Variants in IMPA2 observed in about 807,000 individuals in gnomAD.
The protein encoded by IMPA2 is IMP 2.
A neutral mutation model predicts 35.1 loss-of-function variants in IMPA2; 32 were observed. The observed-to-expected ratio is 0.91, with a 90% CI of 0.69 to 1.23. The LOEUF is 1.23. IMPA2 is among the 50% of genes most tolerant of loss of function. The pLI is 0.00. For synonymous variants in IMPA2, 135 were observed against 160.6 expected (o/e 0.84, Z 1.20); for missense variants, 334 against 387.6 (o/e 0.86, Z 1.16).
chr18:12,017,335 C>A (rs900578058), intron 5 of IMPA2, among the ~76,000 whole-genome samples: 4 of 152,206 alleles, frequency 2.6e-5, no homozygotes, highest in African/African-American at 9.6e-5. Flanking sequence ...ACTTCCTAGT[C>A]AGTACTTCAG....
intron 2 of IMPA2, among the ~76,000 whole-genome samples, chr18:12,004,212 G>T (rs1448589082): frequency 6.6e-6 from 1 of 152,048 alleles, no homozygotes; most frequent in South Asian, 2.1e-4. Flanking sequence ...CATCTCCTTT[G>T]TGGACAGCAG....
chr18:12,014,199 A>G (rs571906600), intron 4 of IMPA2, 66 bp from the exon 5 acceptor site: 1 of 1,112,800 alleles, frequency 9.0e-7, no homozygotes, highest in Non-Finnish European at 1.4e-6. Flanking sequence ...TTTGAATAAC[A>G]ATGTTTTTTC....
chr18:11,985,271 T>C lies in IMPA2; in HGVS notation c.96+3506T>C, dbSNP rs144530459. 2.6e-5 allele frequency among the ~76,000 whole-genome samples: 4 copies of C among 151,228 alleles called. No individual in the cohort carries two copies. The East Asian group carries it at 7.8e-4, about 29-fold the overall frequency. On this transcript the variant is annotated intron_variant, in intron 1 of 7. Coordinates refer to ENST00000269159, the MANE Select transcript of IMPA2 (RefSeq NM_014214.3). ...CTAAGGTGCTAAGAAATACTGCAAA[T>C]ATCACGAAATACACAAAAATAACAA...
intron 2 of IMPA2, 95 bp from the exon 3 acceptor site, chr18:12,009,788 G>C (rs936744429): frequency 4.6e-6 from 4 of 868,476 alleles, no homozygotes; most frequent in South Asian, 2.8e-5. Context: ...TCTGTTTGCT[G>C]TGCCACCTTT....
chr18:12,012,313 G>A, intron 4 of IMPA2, 98 bp downstream of exon 4: 2 of 1,000,732 alleles, frequency 2.0e-6, no homozygotes, highest in Non-Finnish European at 3.1e-6. Flanking sequence ...TTTGCTGTTT[G>A]CCCTGTGCCT....
rs1260310760 is a variant in IMPA2, at chr18:12,029,107, T to A, written c.751+114T>A. The A allele has an allele frequency of 9.1e-6, 6 of 661,604 alleles. No individual in the cohort carries two copies. In the East Asian group the frequency reaches 2.3e-4, roughly 25 times the overall value. The allele number at this position is 661,604 out of a possible 1,614,324, so 41.0% of individuals were successfully genotyped here. On this transcript the variant is annotated intron_variant, in intron 7 of 7. Transcript: ENST00000269159. The stretch of plus-strand genomic sequence containing the variant: ...AATTTCCCACCTTCCCCAGAGTTTC[T>A]GTTTTTTTTTTTTTTTTTTTTTTTT...
chr18:12,007,467 T>C (rs140255839), intron 2 of IMPA2, among the ~76,000 whole-genome samples: 38 of 152,326 alleles, frequency 2.5e-4, no homozygotes, highest in African/African-American at 6.3e-4. Context: ...TGCCAAATCT[T>C]AGACCACATG....
At chr18:12,026,367 A>G (rs1409527769) in intron 5 of IMPA2, among the ~76,000 whole-genome samples, 1 of 152,228 alleles carries the variant, frequency 6.6e-6, no homozygotes, top group African/African-American at 2.4e-5. Flanking sequence ...TTCGTAATTC[A>G]GAATTAGTTT....
At chr18:12,028,603 G>T (rs1907948449) in intron 6 of IMPA2, 2 of 539,578 alleles carry the variant, frequency 3.7e-6, no homozygotes, top group Non-Finnish European at 6.6e-6. Flanking sequence ...CTGCATCTCA[G>T]GTGCTCAGTA....
intron 2 of IMPA2, among the ~76,000 whole-genome samples, chr18:12,007,927 G>A (rs1320260753): frequency 2.6e-5 from 4 of 151,392 alleles, no homozygotes; most frequent in Non-Finnish European, 5.9e-5. Context: ...ATAGGCGTGC[G>A]CCACCACCCC....
chr18:12,026,371 T>C (rs965208469), intron 5 of IMPA2, among the ~76,000 whole-genome samples: 1 of 152,198 alleles, frequency 6.6e-6, no homozygotes, highest in Non-Finnish European at 1.5e-5. Flanking sequence ...TAATTCAGAA[T>C]TAGTTTACCC....
In IMPA2 at chr18:12,030,592, G is replaced by A. The variant is rs1908022803; in HGVS notation, c.*134G>A. ...TGGCTACCCCAGAGGGAGTTGTCAC[G>A]CTACAGTGAGTGGCTGGCCTTTTAA... is the stretch of plus-strand genomic sequence containing the variant. On this transcript the variant is annotated 3_prime_UTR_variant, in exon 8 of 8. Coordinates refer to ENST00000269159, the MANE Select transcript of IMPA2 (RefSeq NM_014214.3). 1.6e-6 allele frequency: 1 copy of A among 640,266 alleles called. No homozygotes were observed. Among genetic ancestry groups the A allele is most frequent in the South Asian group, 1.9e-5 (1 of 52,866 alleles). The allele number at this position is 640,266 out of a possible 1,614,324, so 39.7% of individuals were successfully genotyped here.
intron 2 of IMPA2, chr18:12,008,599 G>A (rs1385935807): frequency 2.2e-6 from 1 of 456,020 alleles, no homozygotes. Flanking sequence ...AAGGTGGGCT[G>A]CGAATACACC....
intron 2 of IMPA2, chr18:12,008,537 A>C (rs1256408456): frequency 2.2e-6 from 1 of 457,012 alleles, no homozygotes; most frequent in East Asian, 7.0e-5. Flanking sequence ...GATCCTGAGA[A>C]TGCCTTTGGA....
At chr18:12,030,068 G>A (rs1245413581) in intron 7 of IMPA2, among the ~76,000 whole-genome samples, 2 of 152,202 alleles carry the variant, frequency 1.3e-5, no homozygotes, top group East Asian at 1.9e-4. Flanking sequence ...GGACTTTTAT[G>A]TTCTCCATCT....
intron 1 of IMPA2, among the ~76,000 whole-genome samples, chr18:11,998,529 A>G (rs1052703713): frequency 2.0e-5 from 3 of 152,228 alleles, no homozygotes; most frequent in Non-Finnish European, 4.4e-5. Flanking sequence ...AACATTTACA[A>G]TCAGATTCGA....
rs749288133 is a variant in IMPA2 at position 12,030,348 on chromosome 18, C to A, written c.757C>A (p.Pro253Thr). ...CTCTCTCTGTCTGTCCCCAGGTGGACCCCTCGACCTCATGGCTTGCAGAGT... is the reference window on the plus strand; with the variant it reads ...CTCTCTCTGTCTGTCCCCAGGTGGAACCCTCGACCTCATGGCTTGCAGAGT... Reference protein sequence around the residue: ...GGIVIDTSGGPLDLMACRVVA... With the variant: ...GGIVIDTSGGTLDLMACRVVA... Residue 253 changes from proline to threonine, a missense_variant, in exon 8 of 8, where the codon CCC (proline) becomes ACC (threonine). Pro to Thr is a conservative substitution (Grantham distance 38). Coordinates refer to ENST00000269159, the MANE Select transcript of IMPA2 (RefSeq NM_014214.3). 5 of 1,613,932 alleles carry A rather than the reference C, an allele frequency of 3.1e-6. No individual in the cohort carries two copies. In the Admixed American group the frequency reaches 6.7e-5, roughly 22 times the overall value.
At chr18:12,008,392 C>A (rs17593321) in intron 2 of IMPA2, 2 of 518,578 alleles carry the variant, frequency 3.9e-6, no homozygotes, top group South Asian at 2.8e-5. Context: ...GAAAACCTCT[C>A]GGCAAGGCCA....
At chr18:11,996,495 A>G (rs1484199551) in intron 1 of IMPA2, among the ~76,000 whole-genome samples, 1 of 152,186 alleles carries the variant, frequency 6.6e-6, no homozygotes, top group East Asian at 1.9e-4. Flanking sequence ...TGCCACAAGC[A>G]TGAAGTAAAG....
Sources: gnomAD v4.1 joint callset for allele counts (sites outside exome capture counted in the v4.1 genomes callset) on GRCh38, gnomAD v4.1.1 for gene constraint, MANE v1.5 for transcripts, NCBI Gene and HGNC (gene_info 2026-07-23, HGNC 2026-07-21) for gene names.